Variants in TFDP2 observed in about 807,000 individuals in gnomAD.
TFDP2 encodes transcription factor Dp-2 (E2F dimerization partner 2).
Under a neutral mutation model 59.3 loss-of-function variants are expected in TFDP2, and 17 were observed. That is an observed-to-expected ratio of 0.29 (90% confidence interval 0.20 to 0.43). The LOEUF is 0.43. TFDP2 is among the 20% of genes least tolerant of loss of function. TFDP2 has a pLI of 1.00. For synonymous variants in TFDP2, 180 were observed against 194.7 expected, an observed-to-expected ratio of 0.92 and a Z score of 0.63; for missense variants, 391 against 528.8, an observed-to-expected ratio of 0.74 and a Z score of 2.56.
At chr3:142,128,248 A>G (rs1034571298) in intron 1 of TFDP2, among the ~76,000 whole-genome samples, 1 of 152,226 alleles carries the variant, frequency 6.6e-6, no homozygotes, top group Non-Finnish European at 1.5e-5. Context: ...CCAGCAAGAA[A>G]CAAATGGTTT....
At chr3:142,065,493 TGTGTGTGTGTGTGTGG>T (rs1489090841) in intron 3 of TFDP2, among the ~76,000 whole-genome samples, 97 of 149,112 alleles carry the variant, frequency 6.5e-4, no homozygotes, top group African/African-American at 2.3e-3. Context: ...ATTCACTCTG[TGTGTGTGTGTGTGTGG>T]GTGTGTGTGT....
intron 2 of TFDP2, among the ~76,000 whole-genome samples, chr3:142,097,658 C>T (rs183832483): frequency 1.8e-4 from 27 of 152,166 alleles, no homozygotes; most frequent in Admixed American, 1.0e-3. Flanking sequence ...GCACTCCAGC[C>T]GGGGCAACAG....
chr3:141,999,308 T>C (rs1005601979), intron 4 of TFDP2, among the ~76,000 whole-genome samples: 1 of 152,266 alleles, frequency 6.6e-6, no homozygotes, highest in Admixed American at 6.5e-5. Context: ...ATACAATACA[T>C]ATTAACATAT....
chr3:141,974,995 C>G (rs1452481153), intron 7 of TFDP2, among the ~76,000 whole-genome samples: 1 of 147,210 alleles, frequency 6.8e-6, no homozygotes, highest in Non-Finnish European at 1.5e-5. Flanking sequence ...CTCACTGCAA[C>G]CTCCACCTCC....
chr3:142,086,998 G>A (rs994371911), intron 3 of TFDP2, among the ~76,000 whole-genome samples: 12 of 152,046 alleles, frequency 7.9e-5, no homozygotes, highest in Admixed American at 7.2e-4. Context: ...CAGGAACTGG[G>A]GTCAAAGACC....
chr3:142,015,452 A>G (rs1255547958), intron 3 of TFDP2, among the ~76,000 whole-genome samples: 1 of 152,138 alleles, frequency 6.6e-6, no homozygotes, highest in African/African-American at 2.4e-5. Flanking sequence ...TGAAAACTCT[A>G]TTCTTCAACT....
At chr3:142,038,242 G>A (rs1409450943) in intron 3 of TFDP2, among the ~76,000 whole-genome samples, 1 of 152,018 alleles carries the variant, frequency 6.6e-6, no homozygotes, top group Non-Finnish European at 1.5e-5. Context: ...AGATTAGTCG[G>A]GAGTAGTGGC....
At chr3:142,134,227 T>TA (rs2062630365) in intron 1 of TFDP2, among the ~76,000 whole-genome samples, 1 of 150,272 alleles carries the variant, frequency 6.7e-6, no homozygotes, top group Admixed American at 6.6e-5. Flanking sequence ...CACATGCCTG[T>TA]AATCCCAGCT....
At chr3:142,044,639 G>C (rs992225661) in intron 3 of TFDP2, among the ~76,000 whole-genome samples, 4 of 152,094 alleles carry the variant, frequency 2.6e-5, no homozygotes, top group African/African-American at 9.7e-5. Flanking sequence ...CCAAAGTGCT[G>C]GGATTACAGG....
intron 3 of TFDP2, among the ~76,000 whole-genome samples, chr3:142,022,385 T>A (rs2108361054): frequency 6.6e-6 from 1 of 152,344 alleles, no homozygotes. Flanking sequence ...TCTATTCTCA[T>A]TTTAAAAGAG....
At chr3:141,994,850 C>T in intron 5 of TFDP2, 170 bp downstream of exon 5, 2 of 508,236 alleles carry the variant, frequency 3.9e-6, no homozygotes, top group South Asian at 6.7e-5. Flanking sequence ...ATAGTTATTC[C>T]AGAGATTATT....
At chr3:142,147,561 T>C (rs1418478588) in intron 1 of TFDP2, among the ~76,000 whole-genome samples, 1 of 152,164 alleles carries the variant, frequency 6.6e-6, no homozygotes, top group Non-Finnish European at 1.5e-5. Context: ...GAATATGAAG[T>C]ATTACACACT....
chr3:142,099,566 T>C (rs1038358357), intron 2 of TFDP2, among the ~76,000 whole-genome samples: 2 of 151,846 alleles, frequency 1.3e-5, no homozygotes, highest in Non-Finnish European at 2.9e-5. Flanking sequence ...CCGGGCATGG[T>C]GCACATGCCT....
intron 1 of TFDP2, chr3:142,145,377 G>A (rs1265529001): frequency 6.6e-6 from 1 of 152,124 alleles, no homozygotes; most frequent in Admixed American, 6.6e-5. Context: ...GATCACTGAA[G>A]TTAGATGTAA....
Position 142,149,417 on chromosome 3 carries a change from C to A in TFDP2, c.-327G>T. The A allele has an allele frequency of 2.6e-6, 1 of 383,752 alleles. No individual in the cohort carries two copies. Among genetic ancestry groups the A allele is most frequent in the Non-Finnish European group, 4.6e-6 (1 of 216,830 alleles). The allele number at this position is 383,752 out of a possible 1,614,324, so 23.8% of individuals were successfully genotyped here. On this transcript the variant is annotated 5_prime_UTR_variant, in exon 1 of 13. Coordinates refer to ENST00000489671, the MANE Select transcript of TFDP2 (RefSeq NM_001178139.2). ...CCCAAAGATGAAGGGTCAGGGCGCGCCCCGCGGGCCGGGCAGCTGCGGCAG... is the reference window on the plus strand; with the variant it reads ...CCCAAAGATGAAGGGTCAGGGCGCGACCCGCGGGCCGGGCAGCTGCGGCAG...
In TFDP2 at chr3:141,948,582, C is replaced by G. The variant is rs952510254; in HGVS notation, c.*3931G>C. The stretch of plus-strand genomic sequence containing the variant: ...CTAAATAGGCTCCCCACCGTGCCCC[C>G]CTCTCTCAGTGTGGTTATGGCAGGA... On this transcript the variant is annotated 3_prime_UTR_variant, in exon 13 of 13. Transcript: ENST00000489671. The G allele has an allele frequency of 2.0e-5, 3 of 152,910 alleles. No homozygotes were observed. The highest frequency in any genetic ancestry group is 4.4e-5 in the Non-Finnish European group (3 of 68,822). 9.5% of individuals were successfully genotyped at this position (152,910 alleles called of 1,614,324 possible).
At position 142,073,479 on chromosome 3, in the gene TFDP2, A is replaced by T. The variant is rs544410918; in HGVS notation, c.82+19582T>A. Among the ~76,000 whole-genome samples, 587 of 117,158 alleles carry T rather than the reference A, an allele frequency of 5.0e-3. 8 individuals are homozygous for T. The highest frequency in any genetic ancestry group is 8.1e-3 in the Non-Finnish European group (449 of 55,410). The allele number at this position is 117,158 out of a possible 152,430, so 76.9% of individuals were successfully genotyped here. A position where few individuals can be genotyped will look rare whatever the true frequency, so the allele number is the denominator to read the frequency against. On this transcript the variant is annotated intron_variant, in intron 3 of 12. Coordinates refer to ENST00000489671, the MANE Select transcript of TFDP2 (RefSeq NM_001178139.2). ...ACAACCCCCCCCCCCCCGCAAAAAA[A>T]AAAAATAAAAAAGACAAAGACTAAG...
At chr3:142,030,253 T>C (rs1430514793) in intron 3 of TFDP2, among the ~76,000 whole-genome samples, 1 of 152,190 alleles carries the variant, frequency 6.6e-6, no homozygotes, top group African/African-American at 2.4e-5. Context: ...TAAACAAAAC[T>C]GAAAATACAA....
intron 3 of TFDP2, among the ~76,000 whole-genome samples, chr3:142,085,491 TA>T (rs1032234500): frequency 2.1e-4 from 32 of 152,204 alleles, no homozygotes; most frequent in African/African-American, 7.2e-4. Flanking sequence ...AAGCTGCACA[TA>T]AAAAATAATA....
Sources: gnomAD v4.1 joint callset for allele counts (sites outside exome capture counted in the v4.1 genomes callset) on GRCh38, gnomAD v4.1.1 for gene constraint, MANE v1.5 for transcripts, NCBI Gene and HGNC (gene_info 2026-07-23, HGNC 2026-07-21) for gene names.